Variants in BAIAP2 observed in about 807,000 individuals in gnomAD.
BAIAP2 encodes BAR/IMD domain-containing adapter protein 2.
In BAIAP2, 18 loss-of-function variants were observed where a neutral mutation model predicts 63.0. The ratio of observed to expected loss-of-function variants is 0.29; its 90% CI spans 0.20 to 0.42. The LOEUF is 0.42. BAIAP2 is among the 10% of genes least tolerant of loss of function. The pLI is 1.00. For missense variants in BAIAP2, 610 were observed against 734.3 expected (o/e 0.83, Z 1.96); for synonymous variants, 386 against 307.6 (o/e 1.25, Z -2.67).
At chr17:81,090,317 CCTT>C (rs1555674003) in intron 6 of BAIAP2, among the ~76,000 whole-genome samples, 1 of 152,228 alleles carries the variant, frequency 6.6e-6, no homozygotes, top group Non-Finnish European at 1.5e-5. Context: ...CCGACATCAA[CCTT>C]CTCACGGTGC....
rs575501824 is a variant in BAIAP2 at position 81,041,864 on chromosome 17, G to A, written c.54+6556G>A. The stretch of plus-strand genomic sequence containing the variant: ...TGGGATTACAGGCATGAGCCACTGC[G>A]CCTGGCCCTGTTTGGGTAGATTTTT... On this transcript the variant is annotated intron_variant, in intron 1 of 13. Coordinates refer to ENST00000428708, the MANE Select transcript of BAIAP2 (RefSeq NM_001144888.2). 3.9e-5 allele frequency among the ~76,000 whole-genome samples: 6 copies of A among 152,208 alleles called. No individual in the cohort carries two copies. In the South Asian group the frequency reaches 1.0e-3, roughly 26 times the overall value.
Position 81,117,429 on chromosome 17 carries a change from CAAT to C in BAIAP2, c.*1593_*1595del, listed in dbSNP as rs1171970800. 6.6e-6 allele frequency: 1 copy of C among 152,314 alleles called. No individual in the cohort carries two copies. The highest frequency in any genetic ancestry group is 1.5e-5 in the Non-Finnish European group (1 of 68,054). The allele number at this position is 152,314 out of a possible 1,614,324, so 9.4% of individuals were successfully genotyped here. ...AATAAACTTTACATCTCTTTGGCAA[CAAT>C]AACTTAAAATCACCCAACTTCCATT... On this transcript the variant is annotated 3_prime_UTR_variant, in exon 14 of 14. Coordinates refer to ENST00000428708, the MANE Select transcript of BAIAP2 (RefSeq NM_001144888.2).
chr17:81,109,081 G>T (rs1390625778), intron 13 of BAIAP2: 9 of 1,500,316 alleles, frequency 6.0e-6, no homozygotes, highest in African/African-American at 4.2e-5. Context: ...CTCAGCTCTC[G>T]CTGGTTTGTT....
intron 5 of BAIAP2, among the ~76,000 whole-genome samples, chr17:81,086,208 G>A (rs528506126): frequency 8.8e-4 from 132 of 150,820 alleles, no homozygotes; most frequent in African/African-American, 2.9e-3. Context: ...CATCTTGGGC[G>A]ACCAGAGAGC....
At position 81,086,004 on chromosome 17, in the gene BAIAP2, CG is replaced by C. The variant is rs1279913088; in HGVS notation, c.351+283del. 3.3e-5 allele frequency among the ~76,000 whole-genome samples: 5 copies of C among 152,350 alleles called. No homozygotes were observed. In the East Asian group the frequency reaches 9.6e-4, roughly 29 times the overall value. On this transcript the variant is annotated intron_variant, in intron 5 of 13. Transcript: ENST00000428708. ...TGAAGCTGGTGCCTGACTCTGCTGC[CG>C]GGGAGTGCAGGAGCTCCTTCTCTGG...
chr17:81,075,857 G>A (rs1045906274), intron 3 of BAIAP2, among the ~76,000 whole-genome samples: 1 of 152,158 alleles, frequency 6.6e-6, no homozygotes, highest in African/African-American at 2.4e-5. Flanking sequence ...TCCATATGAG[G>A]CCAGCTGGGC....
At chr17:81,110,747 G>C (rs560298019) in intron 13 of BAIAP2, among the ~76,000 whole-genome samples, 1 of 152,350 alleles carries the variant, frequency 6.6e-6, no homozygotes, top group African/African-American at 2.4e-5. Flanking sequence ...AGTGAGGCAG[G>C]CTCCGCAGGC....
At chr17:81,101,402 C>T (rs907467827) in intron 7 of BAIAP2, among the ~76,000 whole-genome samples, 3 of 152,148 alleles carry the variant, frequency 2.0e-5, no homozygotes, top group African/African-American at 7.2e-5. Flanking sequence ...CAGGCAGGGC[C>T]AGCAGGCCCC....
chr17:81,085,059 C>T (rs1168485735), intron 4 of BAIAP2, 166 bp downstream of exon 4: 26 of 717,444 alleles, frequency 3.6e-5, no homozygotes, highest in Admixed American at 2.1e-4. Flanking sequence ...CGAAGGAGGA[C>T]GTCGGAGAAA....
intron 1 of BAIAP2, among the ~76,000 whole-genome samples, chr17:81,050,040 G>T (rs947021013): frequency 6.6e-6 from 1 of 152,236 alleles, no homozygotes; most frequent in Non-Finnish European, 1.5e-5. Context: ...CTCTTCAGGG[G>T]CCACTGGGCT....
intron 3 of BAIAP2, among the ~76,000 whole-genome samples, chr17:81,074,968 G>C (rs546057980): frequency 5.2e-5 from 8 of 152,388 alleles, no homozygotes; most frequent in African/African-American, 1.9e-4. Flanking sequence ...AGAGAATAAT[G>C]TAGTTCTGTT....
intron 13 of BAIAP2, chr17:81,110,983 C>T (rs1419062415): frequency 1.2e-6 from 2 of 1,613,554 alleles, no homozygotes; most frequent in South Asian, 1.1e-5. Context: ...CGTTCTCGTG[C>T]AGTCACTGGC....
intron 6 of BAIAP2, among the ~76,000 whole-genome samples, chr17:81,095,749 C>T (rs1331158723): frequency 6.6e-6 from 1 of 152,182 alleles, no homozygotes; most frequent in East Asian, 1.9e-4. Flanking sequence ...GCCGTACTTT[C>T]TGTCTCTCCC....
chr17:81,040,495 C>T (rs1015277909), intron 1 of BAIAP2, among the ~76,000 whole-genome samples: 3 of 152,238 alleles, frequency 2.0e-5, no homozygotes, highest in East Asian at 3.8e-4. Context: ...AAAGGGAGGC[C>T]GAGAAGGGAC....
At chr17:81,112,119 C>T (rs2059994022) in intron 13 of BAIAP2, among the ~76,000 whole-genome samples, 1 of 152,266 alleles carries the variant, frequency 6.6e-6, no homozygotes, top group African/African-American at 2.4e-5. Context: ...CCTCCATCTT[C>T]CTCCCTTCCG....
intron 9 of BAIAP2, 88 bp downstream of exon 9, chr17:81,104,196 T>C (rs2058846572): frequency 1.4e-6 from 2 of 1,394,234 alleles, no homozygotes; most frequent in Non-Finnish European, 2.0e-6. Context: ...AATAGGGGCC[T>C]GGGAGACCCT....
At chr17:81,070,057 T>G (rs902612079) in intron 3 of BAIAP2, among the ~76,000 whole-genome samples, 1 of 152,124 alleles carries the variant, frequency 6.6e-6, no homozygotes, top group Non-Finnish European at 1.5e-5. Flanking sequence ...CCTCCTGGGC[T>G]CAAGCGATCC....
Position 81,105,945 on chromosome 17 carries a change from C to T in BAIAP2, c.1269-133C>T, listed in dbSNP as rs763665912. The T allele has an allele frequency of 3.2e-5, 23 of 729,236 alleles. No individual in the cohort carries two copies. The South Asian group carries it at 3.3e-4, about 11-fold the overall frequency. 45.2% of individuals were successfully genotyped at this position (729,236 alleles called of 1,614,324 possible). A position where few individuals can be genotyped will look rare whatever the true frequency, so the allele number is the denominator to read the frequency against. ...CTGCGGTCTTTGTCTCCCTGGAGCA[C>T]TGTCTCTGTTGCTCCAGAGACAGCC... On this transcript the variant is annotated intron_variant, in intron 10 of 13. Transcript: ENST00000428708.
rs185292860 is a variant in BAIAP2 at position 81,064,196 on chromosome 17, C to T, written c.217+6229C>T. The stretch of plus-strand genomic sequence containing the variant: ...TTCATTCTTCGCACCTTTTCTTTCC[C>T]ATGTGGCACCTGCTCTACTCACAGG... On this transcript the variant is annotated intron_variant, in intron 3 of 13. Coordinates refer to ENST00000428708, the MANE Select transcript of BAIAP2 (RefSeq NM_001144888.2). Among the ~76,000 whole-genome samples the T allele has an allele frequency of 3.9e-5, 6 of 152,376 alleles. No individual in the cohort carries two copies. The South Asian group carries it at 8.3e-4, about 21-fold the overall frequency.
Sources: allele counts gnomAD v4.1 joint callset (sites outside exome capture counted in the v4.1 genomes callset), GRCh38; gene constraint gnomAD v4.1.1; transcripts MANE v1.5; gene names NCBI Gene and HGNC (gene_info 2026-07-23, HGNC 2026-07-21).